Variants in CHST8 observed in about 807,000 individuals in gnomAD.
CHST8 encodes carbohydrate sulfotransferase 8.
In CHST8, 10 loss-of-function variants were observed where a neutral mutation model predicts 15.0. The ratio of observed to expected loss-of-function variants is 0.67; its 90% CI spans 0.41 to 1.13. The LOEUF (loss-of-function observed/expected upper bound fraction) is 1.13. Among genes scored for constraint, CHST8 ranks in the 50% most tolerant of loss-of-function variants. CHST8 has a pLI of 0.00. For missense variants in CHST8, 634 were observed against 608.2 expected (o/e 1.04, Z -0.45); for synonymous variants, 259 against 256.6 (o/e 1.01, Z -0.09).
At chr19:33,647,033 T>C (rs1448928469) in intron 1 of CHST8, among the ~76,000 whole-genome samples, 1 of 152,198 alleles carries the variant, frequency 6.6e-6, no homozygotes, top group Non-Finnish European at 1.5e-5. Context: ...AGGAGCAAAA[T>C]GGAGTCAGCT....
At chr19:33,698,853 A>C (rs1434349845) in intron 3 of CHST8, among the ~76,000 whole-genome samples, 2 of 151,956 alleles carry the variant, frequency 1.3e-5, no homozygotes, top group African/African-American at 4.8e-5. Context: ...GCCCCTCTGC[A>C]CCTGCGTTTC....
chr19:33,725,931 G>A (rs995740792), intron 3 of CHST8, among the ~76,000 whole-genome samples: 2 of 152,230 alleles, frequency 1.3e-5, no homozygotes, highest in African/African-American at 4.8e-5. Flanking sequence ...TGGGAATGGG[G>A]CCGCTCAGGG....
chr19:33,622,529 C>A (rs1971998552), intron 1 of CHST8, among the ~76,000 whole-genome samples: 1 of 152,202 alleles, frequency 6.6e-6, no homozygotes, highest in South Asian at 2.1e-4. Flanking sequence ...GACTTTCTCT[C>A]CTTGGATCTC....
At chr19:33,757,383 A>AAAAGAAG (rs1568358074) in intron 3 of CHST8, among the ~76,000 whole-genome samples, 5 of 108,866 alleles carry the variant, frequency 4.6e-5, no homozygotes, top group Admixed American at 2.2e-4. Flanking sequence ...CGGTCTCAAA[A>AAAAGAAG]AAAGAAGAAA....
intron 3 of CHST8, among the ~76,000 whole-genome samples, chr19:33,717,327 G>A (rs1973682298): frequency 6.6e-6 from 1 of 152,056 alleles, no homozygotes; most frequent in Non-Finnish European, 1.5e-5. Context: ...CAGGCGTGGT[G>A]GTGCGCGCCT....
At chr19:33,662,534 C>G (rs1972600872) in intron 1 of CHST8, among the ~76,000 whole-genome samples, 1 of 152,186 alleles carries the variant, frequency 6.6e-6, no homozygotes, top group Non-Finnish European at 1.5e-5. Context: ...TGGTCCCTGG[C>G]TCAGGGACTG....
At chr19:33,733,150 C>A (rs1974023728) in intron 3 of CHST8, among the ~76,000 whole-genome samples, 1 of 151,772 alleles carries the variant, frequency 6.6e-6, no homozygotes, top group Non-Finnish European at 1.5e-5. Context: ...ATTGGCATAA[C>A]AAGACATGCC....
chr19:33,626,583 T>C (rs1159815428), intron 1 of CHST8, among the ~76,000 whole-genome samples: 1 of 152,156 alleles, frequency 6.6e-6, no homozygotes, highest in Non-Finnish European at 1.5e-5. Flanking sequence ...GAGTTCTTGC[T>C]CTATTAGTTC....
intron 3 of CHST8, among the ~76,000 whole-genome samples, chr19:33,760,128 A>G: frequency 6.6e-6 from 1 of 151,966 alleles, no homozygotes; most frequent in Non-Finnish European, 1.5e-5. Context: ...CTTTGACTCC[A>G]TCTCAGAATG....
At chr19:33,625,389 C>A (rs944212336) in intron 1 of CHST8, among the ~76,000 whole-genome samples, 5 of 151,998 alleles carry the variant, frequency 3.3e-5, no homozygotes, top group Admixed American at 3.3e-4. Context: ...CATGGCTGCT[C>A]TTTAGTGAGC....
intron 1 of CHST8, among the ~76,000 whole-genome samples, chr19:33,646,366 C>A (rs1191625543): frequency 2.0e-5 from 3 of 152,118 alleles, no homozygotes; most frequent in Non-Finnish European, 4.4e-5. Context: ...GTCACAAGAT[C>A]ATTTGAGCCA....
At chr19:33,741,554 TG>T (rs2145340925) in intron 3 of CHST8, among the ~76,000 whole-genome samples, 1 of 152,164 alleles carries the variant, frequency 6.6e-6, no homozygotes, top group Non-Finnish European at 1.5e-5. Context: ...ACCAACATGG[TG>T]GTTGCAACTG....
At chr19:33,710,110 A>G in intron 3 of CHST8, among the ~76,000 whole-genome samples, 1 of 152,100 alleles carries the variant, frequency 6.6e-6, no homozygotes, top group East Asian at 1.9e-4. Context: ...GGCTTTGTTC[A>G]TTTCATTCAA....
chr19:33,713,600 C>T (rs1973601855), intron 3 of CHST8, among the ~76,000 whole-genome samples: 1 of 152,074 alleles, frequency 6.6e-6, no homozygotes, highest in Non-Finnish European at 1.5e-5. Context: ...GAGTCTTGCT[C>T]TGTTGCCCTG....
At chr19:33,687,465 C>T (rs1340473417) in intron 2 of CHST8, among the ~76,000 whole-genome samples, 3 of 152,128 alleles carry the variant, frequency 2.0e-5, no homozygotes, top group Non-Finnish European at 2.9e-5. Flanking sequence ...GCAGTGAGGT[C>T]GGAGCCAGCC....
At chr19:33,757,537 A>AAAGAAAG (rs1974616711) in intron 3 of CHST8, among the ~76,000 whole-genome samples, 1 of 78,196 alleles carries the variant, frequency 1.3e-5, no homozygotes, top group South Asian at 4.3e-4. Flanking sequence ...AGAAAGAAAG[A>AAAGAAAG]AAGAAAGAAA....
At chr19:33,641,556 G>C (rs1972284205) in intron 1 of CHST8, among the ~76,000 whole-genome samples, 1 of 152,204 alleles carries the variant, frequency 6.6e-6, no homozygotes, top group South Asian at 2.1e-4. Context: ...GCTGGGGATT[G>C]GTGGTGTATT....
At chr19:33,766,668 G>A (rs12977810) in intron 3 of CHST8, among the ~76,000 whole-genome samples, 37,946 of 152,186 alleles carry the variant, frequency 0.25, 4,945 homozygotes, top group African/African-American at 0.27. Context: ...CTCAGAATCC[G>A]GGTACTGCAC....
chr19:33,692,535 A>C (rs1475711136), intron 3 of CHST8, among the ~76,000 whole-genome samples: 2 of 151,360 alleles, frequency 1.3e-5, no homozygotes. Flanking sequence ...CTGTCTCTAC[A>C]AAAAAAAATA....
Sources: gnomAD v4.1 joint callset for allele counts (sites outside exome capture counted in the v4.1 genomes callset) on GRCh38, gnomAD v4.1.1 for gene constraint, MANE v1.5 for transcripts, NCBI Gene and HGNC (gene_info 2026-07-23, HGNC 2026-07-21) for gene names.